The following KCNK12 variants were observed in gnomAD, a reference collection of about 807,000 sequenced individuals.
KCNK12 encodes potassium two pore domain channel subfamily K member 12.
In KCNK12, 6 loss-of-function variants were observed where a neutral mutation model predicts 25.3. The observed-to-expected ratio is 0.24, with a 90% confidence interval of 0.13 to 0.47. KCNK12 has a LOEUF of 0.47. KCNK12 is among the 20% of genes least tolerant of loss of function. The probability of loss-of-function intolerance (pLI) is 0.99; values close to 1 mark genes in which losing one functional copy is unlikely to be tolerated. For synonymous variants in KCNK12, 331 were observed against 311.1 expected (o/e 1.06, Z -0.67); for missense variants, 444 against 661.7 (o/e 0.67, Z 3.61).
chr2:47,520,195 C>T lies in KCNK12; in HGVS notation c.*712G>A, dbSNP rs1437026014. 6.6e-6 allele frequency: 1 copy of T among 152,270 alleles called. No individual in the cohort carries two copies. Among genetic ancestry groups the T allele is most frequent in the Non-Finnish European group, 1.5e-5 (1 of 68,106 alleles). 9.4% of individuals were successfully genotyped at this position (152,270 alleles called of 1,614,324 possible). ...TCACCGCTCCCCTCCTCACAGGTGCCCTGGACCGCCCACCATTAGAAGTAG... is the reference window on the plus strand; with the variant it reads ...TCACCGCTCCCCTCCTCACAGGTGCTCTGGACCGCCCACCATTAGAAGTAG... On this transcript the variant is annotated 3_prime_UTR_variant, in exon 2 of 2. Coordinates refer to ENST00000327876, the MANE Select transcript of KCNK12 (RefSeq NM_022055.2). This position sits in a 1 kb window ranked among gnomAD's most constrained non-coding sequence, Gnocchi z 5.0.
At chr2:47,523,067 G>A (rs766107691) in intron 1 of KCNK12, among the ~76,000 whole-genome samples, 3 of 152,166 alleles carry the variant, frequency 2.0e-5, no homozygotes, top group Non-Finnish European at 4.4e-5. Context: ...GAGTGAATCC[G>A]AGCCGAACAA....
intron 1 of KCNK12, among the ~76,000 whole-genome samples, chr2:47,534,398 G>C (rs1669005338): frequency 6.6e-6 from 1 of 150,946 alleles, no homozygotes. Context: ...GAGCTGGCGG[G>C]AAGATGACTC....
At chr2:47,561,844 T>C (rs1013124628) in intron 1 of KCNK12, among the ~76,000 whole-genome samples, 4 of 152,192 alleles carry the variant, frequency 2.6e-5, no homozygotes, top group Non-Finnish European at 5.9e-5. Flanking sequence ...GCTGCAGTGC[T>C]GGTGTGTTTA....
Position 47,513,440 on chromosome 2 carries a change from C to T in KCNK12, c.*7467G>A, listed in dbSNP as rs79919411. ...GGTTTTCTCCCATATCTCTGACCCT[C>T]TTTCCTTAGTCTTTTTTCTTCTTCC... On this transcript the variant is annotated 3_prime_UTR_variant, in exon 2 of 2. Transcript: ENST00000327876. Among the ~76,000 whole-genome samples, 3,314 of 152,290 alleles carry T rather than the reference C, an allele frequency of 0.022. 98 individuals carry two copies. Among genetic ancestry groups the T allele is most frequent in the African/African-American group, 0.062 (2,572 of 41,558 alleles).
chr2:47,570,133 C>A lies in KCNK12; in HGVS notation c.199G>T (p.Glu67Ter). 1 of 1,443,258 alleles carries A rather than the reference C, an allele frequency of 6.9e-7. No homozygotes were observed. Among genetic ancestry groups the A allele is most frequent in the African/African-American group, 1.5e-5 (1 of 67,662 alleles). 89.4% of individuals were successfully genotyped at this position (1,443,258 alleles called of 1,614,324 possible). Residue 67 changes from glutamate to a stop codon, truncating the protein, a stop_gained, in exon 1 of 2, where the codon GAG (glutamate) becomes TAG (stop). Coordinates refer to ENST00000327876, the MANE Select transcript of KCNK12 (RefSeq NM_022055.2). LOFTEE classifies it high-confidence loss of function. ...GTGGCGCCCCAGCGCGCCCGCGCCT[C>A]CGCCTCGCCGGGGCTCTCGAGCGCC... ...FSALESPGEA[E>*]ARARWGATLR...
At position 47,528,038 on chromosome 2, in the gene KCNK12, A is replaced by C. The variant is rs1210627781; in HGVS notation, c.392-6230T>G. The stretch of plus-strand genomic sequence containing the variant: ...CTCACCTCTGGGACAGGGCGCATAT[A>C]GTCTGGGCCAGAACTTGTCCTGGGG... On this transcript the variant is annotated intron_variant, in intron 1 of 1. Transcript: ENST00000327876. The surrounding 1 kb of genome is among the most constrained non-coding windows in gnomAD (Gnocchi z 4.5). 6.6e-6 allele frequency among the ~76,000 whole-genome samples: 1 copy of C among 152,138 alleles called. No homozygotes were observed. Among genetic ancestry groups the C allele is most frequent in the Non-Finnish European group, 1.5e-5 (1 of 68,018 alleles).
In KCNK12 at chr2:47,542,103, A is replaced by G. The variant is rs556533716; in HGVS notation, c.392-20295T>C. Among the ~76,000 whole-genome samples the G allele has an allele frequency of 2.2e-4, 34 of 152,250 alleles. No individual in the cohort carries two copies. The South Asian group carries it at 2.3e-3, about 10-fold the overall frequency. ...TGCAGGGGACTGTTTATTCCCAGAGAAATAACCTCCTGGGCAGGATAGGGG... is the reference window on the plus strand; with the variant it reads ...TGCAGGGGACTGTTTATTCCCAGAGGAATAACCTCCTGGGCAGGATAGGGG... On this transcript the variant is annotated intron_variant, in intron 1 of 1. Coordinates refer to ENST00000327876, the MANE Select transcript of KCNK12 (RefSeq NM_022055.2).
Position 47,538,245 on chromosome 2 carries a change from C to T in KCNK12, c.392-16437G>A, listed in dbSNP as rs191997524. ...TGGAATAATAAACTACAAACAATTA[C>T]GTGGCCTGTGAGAAAGTGGCAAGTA... On this transcript the variant is annotated intron_variant, in intron 1 of 1. Transcript: ENST00000327876. This position sits in a 1 kb window ranked among gnomAD's most constrained non-coding sequence, Gnocchi z 4.5. Among the ~76,000 whole-genome samples, 6 of 152,228 alleles carry T rather than the reference C, an allele frequency of 3.9e-5. No individual in the cohort carries two copies. The highest frequency in any genetic ancestry group is 2.6e-4 in the Admixed American group (4 of 15,300).
rs1397887500 is a variant in KCNK12, at chr2:47,512,411, C to T, written c.*8496G>A. On this transcript the variant is annotated 3_prime_UTR_variant, in exon 2 of 2. Coordinates refer to ENST00000327876, the MANE Select transcript of KCNK12 (RefSeq NM_022055.2). The stretch of plus-strand genomic sequence containing the variant: ...TTGCAGTCGGCCAGAGAGACAGAAC[C>T]AGGGCAGTGGTGAGCTCTCATGACC... The T allele has an allele frequency of 6.2e-6, 10 of 1,610,598 alleles. No individual in the cohort carries two copies. The highest frequency in any genetic ancestry group is 1.3e-5 in the African/African-American group (1 of 74,886).
At position 47,540,435 on chromosome 2, in the gene KCNK12, C is replaced by T. The variant is rs1476127962; in HGVS notation, c.392-18627G>A. Among the ~76,000 whole-genome samples, 2 of 152,166 alleles carry T rather than the reference C, an allele frequency of 1.3e-5. No homozygotes were observed. Among genetic ancestry groups the T allele is most frequent in the Non-Finnish European group, 2.9e-5 (2 of 68,036 alleles). On this transcript the variant is annotated intron_variant, in intron 1 of 1. Transcript: ENST00000327876. This position sits in a 1 kb window ranked among gnomAD's most constrained non-coding sequence, Gnocchi z 5.4. ...GCAGCAGTAAAGACCCCTCAAATGC[C>T]ATCTCTAAATTAAAATGGGTGATCA... is the stretch of plus-strand genomic sequence containing the variant.
At chr2:47,527,072 C>T (rs778681771) in intron 1 of KCNK12, among the ~76,000 whole-genome samples, 6 of 152,186 alleles carry the variant, frequency 3.9e-5, no homozygotes, top group South Asian at 2.1e-4. Context: ...ATGGTGGAGC[C>T]GAGACTGAAA....
rs1450978540 is a variant in KCNK12 at position 47,511,747 on chromosome 2, C to T, written c.*9160G>A. 1.3e-5 allele frequency among the ~76,000 whole-genome samples: 2 copies of T among 152,160 alleles called. No homozygotes were observed. The highest frequency in any genetic ancestry group is 4.8e-5 in the African/African-American group (2 of 41,434). On this transcript the variant is annotated 3_prime_UTR_variant, in exon 2 of 2. Transcript: ENST00000327876. This position sits in a 1 kb window ranked among gnomAD's most constrained non-coding sequence, Gnocchi z 4.3. ...TGCCCCTTAAGGATGCCCTGGAATT[C>T]AGGCTTTCGGATCCCAGAGCTCTCA...
chr2:47,509,831 C>G lies in KCNK12; in HGVS notation c.*11076G>C, dbSNP rs113177707. ...TTGTGTAAGGCCAGGGGACTTCCCC[C>G]CCACTCCCCAACCTGAGGCATGCAC... is the stretch of plus-strand genomic sequence containing the variant. On this transcript the variant is annotated 3_prime_UTR_variant, in exon 2 of 2. Transcript: ENST00000327876. 0.016 allele frequency among the ~76,000 whole-genome samples: 2,494 copies of G among 152,316 alleles called. 63 individuals are homozygous for G. Among genetic ancestry groups the G allele is most frequent in the African/African-American group, 0.055 (2,295 of 41,568 alleles).
At chr2:47,546,059 C>T (rs909867939) in intron 1 of KCNK12, among the ~76,000 whole-genome samples, 1 of 152,086 alleles carries the variant, frequency 6.6e-6, no homozygotes, top group East Asian at 1.9e-4. Flanking sequence ...GTAAATGAAG[C>T]AAGTGTCATA....
chr2:47,537,735 C>A (rs954460116), intron 1 of KCNK12, among the ~76,000 whole-genome samples: 5 of 152,302 alleles, frequency 3.3e-5, no homozygotes, highest in East Asian at 1.9e-4. Flanking sequence ...TCACTCCCAA[C>A]AAGCACTGTT....
At chr2:47,545,621 C>G (rs1669296388) in intron 1 of KCNK12, among the ~76,000 whole-genome samples, 1 of 152,218 alleles carries the variant, frequency 6.6e-6, no homozygotes, top group East Asian at 1.9e-4. Flanking sequence ...AGCTCTGTCA[C>G]TTGCTGGCTC....
Position 47,513,033 on chromosome 2 carries a change from C to T in KCNK12, c.*7874G>A, listed in dbSNP as rs1174833396. On this transcript the variant is annotated 3_prime_UTR_variant, in exon 2 of 2. Transcript: ENST00000327876. ...ATTAGGTCATGTGACAAAGTTCTGG[C>T]CAGTGGCAAGGGAACACAAGTGATA... 6.5e-6 allele frequency: 1 copy of T among 153,708 alleles called. No homozygotes were observed. Among genetic ancestry groups the T allele is most frequent in the Non-Finnish European group, 1.4e-5 (1 of 69,106 alleles). 9.5% of individuals were successfully genotyped at this position (153,708 alleles called of 1,614,324 possible).
intron 1 of KCNK12, among the ~76,000 whole-genome samples, chr2:47,559,067 C>A (rs535565186): frequency 4.6e-5 from 7 of 152,180 alleles, no homozygotes; most frequent in Non-Finnish European, 8.8e-5. Context: ...GACCAGAAGC[C>A]CCCCTAGTTC....
chr2:47,557,245 A>C lies in KCNK12; in HGVS notation c.391+12696T>G, dbSNP rs1669568918. Among the ~76,000 whole-genome samples, 1 of 152,314 alleles carries C rather than the reference A, an allele frequency of 6.6e-6. No individual in the cohort carries two copies. The highest frequency in any genetic ancestry group is 1.9e-4 in the East Asian group (1 of 5,180). The stretch of plus-strand genomic sequence containing the variant: ...CTGTTCTCATGAATGGATTAATGTC[A>C]TCATCACTGGAGTGGGTTGGTTATT... On this transcript the variant is annotated intron_variant, in intron 1 of 1. Transcript: ENST00000327876. The surrounding 1 kb of genome is among the most constrained non-coding windows in gnomAD (Gnocchi z 4.9).
Sources: allele counts gnomAD v4.1 joint callset (sites outside exome capture counted in the v4.1 genomes callset), GRCh38; gene constraint gnomAD v4.1.1; non-coding constraint Gnocchi (gnomAD v3.1); transcripts MANE v1.5; gene names NCBI Gene and HGNC (gene_info 2026-07-23, HGNC 2026-07-21).